SH3PXD2A: variants seen among roughly 807,000 people sequenced by gnomAD.
The protein encoded by SH3PXD2A is SH3 and PX domain-containing protein 2A.
SH3PXD2A carries 32 observed loss-of-function variants against 115.2 expected under a neutral mutation model. That is an observed-to-expected ratio of 0.28 (90% CI 0.21 to 0.37). The LOEUF is 0.37. Ranked by LOEUF, SH3PXD2A falls within the 10% of genes least tolerant of loss-of-function variation. The probability of loss-of-function intolerance (pLI) is 1.00; values close to 1 mark genes in which losing one functional copy is unlikely to be tolerated. For synonymous variants in SH3PXD2A, 610 were observed against 629.1 expected, an observed-to-expected ratio of 0.97 and a Z score of 0.45; for missense variants, 1,328 against 1,498.7, an observed-to-expected ratio of 0.89 and a Z score of 1.88.
chr10:103,650,691 T>C (rs551290967), intron 8 of SH3PXD2A, among the ~76,000 whole-genome samples: 2 of 152,316 alleles, frequency 1.3e-5, no homozygotes, highest in African/African-American at 4.8e-5. Flanking sequence ...CCTGTCCCTG[T>C]CTCTGAGCAA....
In SH3PXD2A at chr10:103,602,785, G is replaced by C; in HGVS notation, c.2433C>G (p.Pro811=). Residue 811 remains proline, a synonymous_variant, in exon 15 of 15, where the codon CCC becomes CCG. Coordinates refer to ENST00000369774, the MANE Select transcript of SH3PXD2A (RefSeq NM_001394015.1). The part of the protein sequence containing the change: ...ELPPQTASEA[P]SEGSRRSSSD... ...ATGAGCTTCTCCTAGACCCCTCACTGGGAGCCTCGGAGGCCGTCTGCGGGG... is the reference window on the plus strand; with the variant it reads ...ATGAGCTTCTCCTAGACCCCTCACTCGGAGCCTCGGAGGCCGTCTGCGGGG... 1 of 1,614,122 alleles carries C rather than the reference G, an allele frequency of 6.2e-7. No homozygotes were observed. The highest frequency in any genetic ancestry group is 8.5e-7 in the Non-Finnish European group (1 of 1,179,988).
intron 11 of SH3PXD2A, among the ~76,000 whole-genome samples, chr10:103,615,444 C>T (rs1036298760): frequency 2.7e-5 from 4 of 147,332 alleles, no homozygotes; most frequent in Admixed American, 2.0e-4. Context: ...ATGACTCCAG[C>T]GGGAAGCAAG....
At chr10:103,708,207 G>A (rs538642743) in intron 5 of SH3PXD2A, among the ~76,000 whole-genome samples, 7 of 152,304 alleles carry the variant, frequency 4.6e-5, no homozygotes, top group African/African-American at 1.7e-4. Flanking sequence ...GCCGACCTCA[G>A]GCCTTGAGTG....
chr10:103,781,828 G>A (rs4918049), intron 2 of SH3PXD2A, among the ~76,000 whole-genome samples: 131,511 of 152,206 alleles, frequency 0.86, 57,035 homozygotes, highest in East Asian at 1. Flanking sequence ...TAGGTGAATG[G>A]GCCACACCTC....
chr10:103,763,348 C>G (rs1263459840), intron 3 of SH3PXD2A, among the ~76,000 whole-genome samples: 1 of 152,226 alleles, frequency 6.6e-6, no homozygotes, highest in Non-Finnish European at 1.5e-5. Flanking sequence ...TCAGCACATC[C>G]CAGCATCTCT....
At chr10:103,662,013 C>T (rs928755253) in intron 7 of SH3PXD2A, 8 of 933,000 alleles carry the variant, frequency 8.6e-6, no homozygotes, top group Non-Finnish European at 8.9e-6. Flanking sequence ...CTCAGGCCTG[C>T]CCCCAGCCCT....
chr10:103,834,633 A>G (rs1237656339), intron 1 of SH3PXD2A, among the ~76,000 whole-genome samples: 1 of 152,266 alleles, frequency 6.6e-6, no homozygotes, highest in African/African-American at 2.4e-5. Flanking sequence ...GGCATGGGCC[A>G]CCACTCAGGG....
chr10:103,698,672 C>T (rs1312103988), intron 5 of SH3PXD2A, among the ~76,000 whole-genome samples: 1 of 152,040 alleles, frequency 6.6e-6, no homozygotes, highest in East Asian at 1.9e-4. Flanking sequence ...ACTTTTTAAG[C>T]TCTCGCTGTA....
intron 1 of SH3PXD2A, among the ~76,000 whole-genome samples, chr10:103,819,023 G>T (rs1398494175): frequency 2.0e-5 from 3 of 152,182 alleles, no homozygotes; most frequent in East Asian, 1.9e-4. Flanking sequence ...GGCTTCCTTT[G>T]TTTTCTCTAC....
At chr10:103,614,727 C>G (rs2036482145) in intron 11 of SH3PXD2A, among the ~76,000 whole-genome samples, 2 of 152,172 alleles carry the variant, frequency 1.3e-5, no homozygotes, top group African/African-American at 4.8e-5. Flanking sequence ...TTTGGAATGG[C>G]TCCTCCACAC....
At position 103,608,430 on chromosome 10, in the gene SH3PXD2A, GA is replaced by G. The variant is rs953168200; in HGVS notation, c.1309-2514del. Among the ~76,000 whole-genome samples, 676 of 85,338 alleles carry G rather than the reference GA, an allele frequency of 7.9e-3. 3 individuals are homozygous for G. In the South Asian group the frequency reaches 0.084, roughly 11 times the overall value. The allele number at this position is 85,338 out of a possible 152,430, so 56.0% of individuals were successfully genotyped here. A position where few individuals can be genotyped will look rare whatever the true frequency, so the allele number is the denominator to read the frequency against. On this transcript the variant is annotated intron_variant, in intron 13 of 14. Transcript: ENST00000369774. ...AAATAAAGACACCATTCCATGTCAAGAAAAAAAAAAAAAAAAAAAAGAAAAA... is the reference window on the plus strand; with the variant it reads ...AAATAAAGACACCATTCCATGTCAAGAAAAAAAAAAAAAAAAAAAGAAAAA...
chr10:103,675,680 A>T (rs111505323), intron 6 of SH3PXD2A, among the ~76,000 whole-genome samples: 3 of 152,344 alleles, frequency 2.0e-5, no homozygotes, highest in African/African-American at 7.2e-5. Flanking sequence ...CTAAACATTT[A>T]TGAGCATTTT....
chr10:103,645,631 C>T (rs974887371), intron 8 of SH3PXD2A, among the ~76,000 whole-genome samples: 11 of 152,156 alleles, frequency 7.2e-5, no homozygotes, highest in African/African-American at 1.4e-4. Flanking sequence ...TCACCAGGAA[C>T]GGGCCGACAT....
intron 1 of SH3PXD2A, among the ~76,000 whole-genome samples, chr10:103,834,590 G>A (rs1046058050): frequency 6.6e-6 from 1 of 152,242 alleles, no homozygotes; most frequent in Non-Finnish European, 1.5e-5. Context: ...TCTCAATAAA[G>A]CTGTTCCAAA....
At chr10:103,663,476 G>C (rs1294001850) in intron 7 of SH3PXD2A, among the ~76,000 whole-genome samples, 1 of 152,206 alleles carries the variant, frequency 6.6e-6, no homozygotes, top group Non-Finnish European at 1.5e-5. Context: ...CCTCTGATTT[G>C]TTTCCATCAG....
chr10:103,756,783 T>C lies in SH3PXD2A; in HGVS notation c.229+10311A>G, dbSNP rs1276076140. On this transcript the variant is annotated intron_variant, in intron 3 of 14. Coordinates refer to ENST00000369774, the MANE Select transcript of SH3PXD2A (RefSeq NM_001394015.1). This position sits in a 1 kb window ranked among gnomAD's most constrained non-coding sequence, Gnocchi z 4.4. Reference sequence around the variant, plus strand: ...ATCAGCATGGCCTCTTGGCTGTCCTTCTAAGACAGACCTCAGTCTACTTCC... The same window carrying C: ...ATCAGCATGGCCTCTTGGCTGTCCTCCTAAGACAGACCTCAGTCTACTTCC... Among the ~76,000 whole-genome samples the C allele has an allele frequency of 6.6e-6, 1 of 152,116 alleles. No individual in the cohort carries two copies. The highest frequency in any genetic ancestry group is 2.1e-4 in the South Asian group (1 of 4,822).
At chr10:103,851,796 A>G (rs1842899585) in intron 1 of SH3PXD2A, among the ~76,000 whole-genome samples, 1 of 152,246 alleles carries the variant, frequency 6.6e-6, no homozygotes, top group African/African-American at 2.4e-5. Flanking sequence ...GAGGATCAGA[A>G]CATTCATGAT....
At chr10:103,768,292 G>A (rs1658912840) in intron 2 of SH3PXD2A, among the ~76,000 whole-genome samples, 2 of 152,350 alleles carry the variant, frequency 1.3e-5, no homozygotes, top group African/African-American at 2.4e-5. Context: ...AACAGTACAG[G>A]AGTTGTCATT....
rs1196791691 is a variant in SH3PXD2A, at chr10:103,662,341, CGGGGGGGGGG to C, written c.473-1237_473-1228del. ...CAACTCTTCCCATCACCATTATTGGCGGGGGGGGGGGCGGGGGGGGATAAGACACTTAAAA... is the reference window on the plus strand; with the variant it reads ...CAACTCTTCCCATCACCATTATTGGCGCGGGGGGGGATAAGACACTTAAAA... On this transcript the variant is annotated intron_variant, in intron 7 of 14. Coordinates refer to ENST00000369774, the MANE Select transcript of SH3PXD2A (RefSeq NM_001394015.1). 9.0e-3 allele frequency among the ~76,000 whole-genome samples: 96 copies of C among 10,642 alleles called. 9 individuals are homozygous for C. Among genetic ancestry groups the C allele is most frequent in the African/African-American group, 0.025 (92 of 3,682 alleles). The allele number at this position is 10,642 out of a possible 152,430, so 7.0% of individuals were successfully genotyped here. A position where few individuals can be genotyped will look rare whatever the true frequency, so the allele number is the denominator to read the frequency against.
Sources: gnomAD v4.1 joint callset for allele counts (sites outside exome capture counted in the v4.1 genomes callset) on GRCh38, gnomAD v4.1.1 for gene constraint, Gnocchi (gnomAD v3.1) non-coding constraint, MANE v1.5 for transcripts, NCBI Gene and HGNC (gene_info 2026-07-23, HGNC 2026-07-21) for gene names.